NOS3: variants seen among roughly 807,000 people sequenced by gnomAD.
NOS3 encodes NOS type III.
Under a neutral mutation model 144.9 loss-of-function variants are expected in NOS3, and 98 were observed. That is an observed-to-expected ratio of 0.68 (90% CI 0.57 to 0.80). NOS3 has a LOEUF of 0.80. Among genes scored for constraint, NOS3 ranks in the 30% least tolerant of loss-of-function variants. NOS3 has a pLI of 0.00. For synonymous variants in NOS3, 714 were observed against 702.4 expected (o/e 1.02, Z -0.26); for missense variants, 1,465 against 1,656.4 (o/e 0.88, Z 2.01).
Position 150,996,527 on chromosome 7 carries a change from A to T in NOS3, c.394A>T (p.Asn132Tyr), listed in dbSNP as rs757508059. 1.9e-6 allele frequency: 3 copies of T among 1,604,738 alleles called. No individual in the cohort carries two copies. The highest frequency in any genetic ancestry group is 2.5e-6 in the Non-Finnish European group (3 of 1,177,458). ...QLLSQARDFI[N>Y]QYYSSIKRSG... is the part of the protein sequence containing the mutation. ...GCTGAGTCAGGCCCGGGACTTCATC[A>T]ACCAGTACTACAGCTCCATTAAGAG... The change falls in exon 4 of 27, where the codon AAC (asparagine) becomes TAC (tyrosine). Residue 132 changes from asparagine to tyrosine, a missense_variant. Asn to Tyr is a moderately radical substitution (Grantham distance 143). Around this residue, in one of 5 missense-constraint regions of NOS3, gnomAD observed 374 missense variants for 377.0 expected, o/e 0.99. Transcript: ENST00000297494.
chr7:150,998,261 G>T lies in NOS3; in HGVS notation c.583-96G>T, dbSNP rs1003822772. ...GGAGGGCGCCATGGAGTGAACCATG[G>T]CCCCTGCCTCCTCACCAGCAGCTCC... On this transcript the variant is annotated intron_variant, in intron 5 of 26. Transcript: ENST00000297494. This position sits in a 1 kb window ranked among gnomAD's most constrained non-coding sequence, Gnocchi z 5.0. 5 of 1,088,934 alleles carry T rather than the reference G, an allele frequency of 4.6e-6. No individual in the cohort carries two copies. In the Admixed American group the frequency reaches 8.3e-5, roughly 18 times the overall value. The allele number at this position is 1,088,934 out of a possible 1,614,324, so 67.5% of individuals were successfully genotyped here.
rs752647465 is a variant in NOS3, at chr7:150,998,448, G to A, written c.674G>A (p.Arg225His). The A allele has an allele frequency of 5.6e-6, 9 of 1,612,088 alleles. No homozygotes were observed. Among genetic ancestry groups the A allele is most frequent in the South Asian group, 2.2e-5 (2 of 90,948 alleles). Residue 225 changes from arginine (R) to histidine (H), a missense_variant and splice_region_variant, in exon 6 of 27, where the codon CGC (arginine) becomes CAC (histidine). Arg to His is a conservative substitution (Grantham distance 29, BLOSUM62 0). Around this residue, in one of 5 missense-constraint regions of NOS3, gnomAD observed 374 missense variants for 377.0 expected, o/e 0.99. Transcript: ENST00000297494. This position sits in a 1 kb window ranked among gnomAD's most constrained non-coding sequence, Gnocchi z 5.0. ...IKYATNRGNL[R>H]SAITVFPQRC... ...TATGCCACCAACCGGGGCAACCTTC[G>A]GTGAGTGCCCCCCACCATGCCAGGC... is the stretch of plus-strand genomic sequence containing the variant.
rs941562864 is a variant in NOS3, at chr7:150,998,775, A to C, written c.816+95A>C. The C allele has an allele frequency of 1.1e-5, 17 of 1,495,932 alleles. No individual in the cohort carries two copies. The highest frequency in any genetic ancestry group is 1.5e-5 in the Non-Finnish European group (17 of 1,108,046). The allele number at this position is 1,495,932 out of a possible 1,614,324, so 92.7% of individuals were successfully genotyped here. A position where few individuals can be genotyped will look rare whatever the true frequency, so the allele number is the denominator to read the frequency against. On this transcript the variant is annotated intron_variant, in intron 7 of 26. Transcript: ENST00000297494. This position sits in a 1 kb window ranked among gnomAD's most constrained non-coding sequence, Gnocchi z 5.0. ...CGGGGGATCCAGGCAGGAAGAGGGG[A>C]GCCTCGGTGAGATAAAGGATGAAAA...
intron 3 of NOS3, 138 bp downstream of exon 3, chr7:150,995,452 G>T: frequency 1.7e-6 from 1 of 602,292 alleles, no homozygotes; most frequent in Non-Finnish European, 2.9e-6. Flanking sequence ...GGACTGGGAA[G>T]AACCAGAGGA....
rs778888832 is a variant in NOS3, at chr7:151,006,934, G to A, written c.1866G>A (p.Leu622=). The change falls in exon 16 of 27, where the codon CTG becomes CTA. Residue 622 remains leucine, a synonymous_variant. Transcript: ENST00000297494. ...ACAGCATCTCCTGCTCAGACCCACTGGTGTCCTCTTGGCGGCGGAAGAGGA... is the reference window on the plus strand; with the variant it reads ...ACAGCATCTCCTGCTCAGACCCACTAGTGTCCTCTTGGCGGCGGAAGAGGA... The part of the protein sequence containing the change: ...RFNSISCSDP[L]VSSWRRKRKE... 1 of 1,614,148 alleles carries A rather than the reference G, an allele frequency of 6.2e-7. No individual in the cohort carries two copies. The highest frequency in any genetic ancestry group is 8.5e-7 in the Non-Finnish European group (1 of 1,180,026).
rs1157167953 is a variant in NOS3 at position 151,002,063 on chromosome 7, C to T, written c.1647+98C>T. 6 of 1,515,966 alleles carry T rather than the reference C, an allele frequency of 4.0e-6. No individual in the cohort carries two copies. Among genetic ancestry groups the T allele is most frequent in the Non-Finnish European group, 4.5e-6 (5 of 1,106,166 alleles). The allele number at this position is 1,515,966 out of a possible 1,614,324, so 93.9% of individuals were successfully genotyped here. A position where few individuals can be genotyped will look rare whatever the true frequency, so the allele number is the denominator to read the frequency against. On this transcript the variant is annotated intron_variant, in intron 13 of 26. Transcript: ENST00000297494. This position sits in a 1 kb window ranked among gnomAD's most constrained non-coding sequence, Gnocchi z 4.1. Reference sequence around the variant, plus strand: ...GGACAGGAAGTGTTACAAGTCAGGACTCATGAGGAACCCGGAACCACAGGT... The same window carrying T: ...GGACAGGAAGTGTTACAAGTCAGGATTCATGAGGAACCCGGAACCACAGGT...
At chr7:150,997,009 G>C in intron 5 of NOS3, 84 bp downstream of exon 5, 4 of 1,437,920 alleles carry the variant, frequency 2.8e-6, no homozygotes, top group African/African-American at 1.4e-5. Flanking sequence ...CTTCCCGGGG[G>C]CTGGGAGGTC....
chr7:151,009,522 G>T lies in NOS3; in HGVS notation c.2449G>T (p.Val817Leu), dbSNP rs1429219501. The change falls in exon 20 of 27, where the codon GTG becomes TTG. Residue 817 changes from valine (V) to leucine (L), a missense_variant. This residue lies in a region of NOS3 where 745 missense variants were observed against 853.9 expected (regional missense o/e 0.87). Transcript: ENST00000297494. ...PGLVEALLSR[V>L]EDPPAPTEPV... ...CCTTGTGGAGGCGCTGCTGAGCCGC[G>T]TGGAGGACCCGCCGGCGCCCACTGA... 1 of 1,546,232 alleles carries T rather than the reference G, an allele frequency of 6.5e-7. No homozygotes were observed. Among genetic ancestry groups the T allele is most frequent in the East Asian group, 2.4e-5 (1 of 40,880 alleles).
chr7:151,011,611 CAAA>C (rs371264947), intron 23 of NOS3, among the ~76,000 whole-genome samples: 24 of 126,818 alleles, frequency 1.9e-4, no homozygotes, highest in Non-Finnish European at 1.2e-4. Flanking sequence ...GACTCTGTCT[CAAA>C]AAAAAAAAAA....
chr7:150,999,536 G>A (rs1231846681), intron 9 of NOS3, among the ~76,000 whole-genome samples, 172 bp downstream of exon 9: 1 of 152,150 alleles, frequency 6.6e-6, no homozygotes, highest in Non-Finnish European at 1.5e-5. Flanking sequence ...AGGGGTAGGG[G>A]GTGGCAGGGG....
At chr7:151,006,677 C>T (rs542215416) in intron 15 of NOS3, among the ~76,000 whole-genome samples, 183 bp downstream of exon 15, 1 of 152,218 alleles carries the variant, frequency 6.6e-6, no homozygotes, top group Non-Finnish European at 1.5e-5. Flanking sequence ...TTCTGAGAGC[C>T]GGGACAGTCC....
At chr7:151,007,807 C>G (rs573779076) in intron 17 of NOS3, among the ~76,000 whole-genome samples, 1 of 152,316 alleles carries the variant, frequency 6.6e-6, no homozygotes, top group Non-Finnish European at 1.5e-5. Context: ...GCTTTTTAAG[C>G]CTGGGCTTCC....
At position 151,002,148 on chromosome 7, in the gene NOS3, G is replaced by T; in HGVS notation, c.1648-52G>T. 4.9e-6 allele frequency: 7 copies of T among 1,426,594 alleles called. No homozygotes were observed. The highest frequency in any genetic ancestry group is 6.8e-6 in the Non-Finnish European group (7 of 1,028,088). The allele number at this position is 1,426,594 out of a possible 1,614,324, so 88.4% of individuals were successfully genotyped here. On this transcript the variant is annotated intron_variant, in intron 13 of 26. Transcript: ENST00000297494. This position sits in a 1 kb window ranked among gnomAD's most constrained non-coding sequence, Gnocchi z 4.1. ...TGCCAGGGAGGCCAGAGTGAGGAGG[G>T]CAGGGCCTCCGGGGGCCACAGCACC...
chr7:151,006,000 C>T (rs562226950), intron 14 of NOS3, among the ~76,000 whole-genome samples: 7 of 152,280 alleles, frequency 4.6e-5, no homozygotes, highest in African/African-American at 1.7e-4. Context: ...CCAACCTGGG[C>T]GACAGAGCAA....
rs1021988657 is a variant in NOS3 at position 151,003,812 on chromosome 7, T to G, written c.1752+1508T>G. The G allele has an allele frequency of 1.1e-5, 5 of 449,228 alleles. No individual in the cohort carries two copies. Among genetic ancestry groups the G allele is most frequent in the African/African-American group, 1.0e-4 (5 of 49,782 alleles). The allele number at this position is 449,228 out of a possible 1,614,324, so 27.8% of individuals were successfully genotyped here. On this transcript the variant is annotated intron_variant, in intron 14 of 26. Coordinates refer to ENST00000297494, the MANE Select transcript of NOS3 (RefSeq NM_000603.5). The surrounding 1 kb of genome is among the most constrained non-coding windows in gnomAD (Gnocchi z 4.1). ...GCGTGACTCAGTATTTCACTCATTC[T>G]GCTGCTGAGTGCCGTTCATTGTGTG...
rs117950441 is a variant in NOS3, at chr7:151,009,148, C to G, written c.2246-41C>G. On this transcript the variant is annotated intron_variant, in intron 18 of 26. Transcript: ENST00000297494. ...AAGCACTCTGGGGCCAGGCCCTGCT[C>G]CCTAGCTCAGGCTGCCTCATTTGCC... 14,528 of 1,613,192 alleles carry G rather than the reference C, an allele frequency of 9.0e-3. 96 individuals are homozygous for G. Among genetic ancestry groups the G allele is most frequent in the Non-Finnish European group, 0.011 (12,634 of 1,179,288 alleles).
rs144775222 is a variant in NOS3 at position 151,005,490 on chromosome 7, A to G, written c.1753-937A>G. Among the ~76,000 whole-genome samples, 15 of 152,254 alleles carry G rather than the reference A, an allele frequency of 9.9e-5. No individual in the cohort carries two copies. The East Asian group carries it at 2.3e-3, about 24-fold the overall frequency. On this transcript the variant is annotated intron_variant, in intron 14 of 26. Transcript: ENST00000297494. ...CCAGGACACTGCTGAAGGAACTGAG[A>G]GTTTGTCCACCCATGAAATCCACTA... is the stretch of plus-strand genomic sequence containing the variant.
chr7:150,999,700 G>A (rs866784685), intron 9 of NOS3, among the ~76,000 whole-genome samples: 1 of 149,550 alleles, frequency 6.7e-6, no homozygotes, highest in Non-Finnish European at 1.5e-5. Context: ...GTGGGTGTGG[G>A]TTTGTGGGTG....
rs776516355 is a variant in NOS3, at chr7:150,996,931, G to C, written c.582+6G>C. Reference sequence around the variant, plus strand: ...TCCAGTGGGGGAAGCTGCAGGTGCGGCTGGCCAGCGACTGAGAGACCCGGG... The same window carrying C: ...TCCAGTGGGGGAAGCTGCAGGTGCGCCTGGCCAGCGACTGAGAGACCCGGG... On this transcript the variant is annotated splice_donor_region_variant and intron_variant, in intron 5 of 26. Coordinates refer to ENST00000297494, the MANE Select transcript of NOS3 (RefSeq NM_000603.5). 2 of 1,556,216 alleles carry C rather than the reference G, an allele frequency of 1.3e-6. No individual in the cohort carries two copies. The highest frequency in any genetic ancestry group is 1.4e-5 in the African/African-American group (1 of 73,508).
Sources: allele counts gnomAD v4.1 joint callset (sites outside exome capture counted in the v4.1 genomes callset), GRCh38; gene constraint gnomAD v4.1.1; regional missense constraint gnomAD v4.1.1; non-coding constraint Gnocchi (gnomAD v3.1); transcripts MANE v1.5; gene names NCBI Gene and HGNC (gene_info 2026-07-23, HGNC 2026-07-21).